SLIT2: variants seen among roughly 807,000 people sequenced by gnomAD.
SLIT2 encodes slit homolog 2 protein.
A neutral mutation model predicts 185.7 loss-of-function variants in SLIT2; 41 were observed. The ratio of observed to expected loss-of-function variants is 0.22; its 90% CI spans 0.17 to 0.29. The LOEUF (loss-of-function observed/expected upper bound fraction) is 0.29, where lower values mean the gene tolerates loss of function less well. Among genes scored for constraint, SLIT2 ranks in the 10% least tolerant of loss-of-function variants. SLIT2 has a pLI of 1.00. For synonymous variants in SLIT2, 693 were observed against 680.2 expected, an observed-to-expected ratio of 1.02 and a Z score of -0.29; for missense variants, 1,571 against 1,909.0, an observed-to-expected ratio of 0.82 and a Z score of 3.30.
chr4:20,354,788 T>C (rs1375284830), intron 4 of SLIT2, among the ~76,000 whole-genome samples: 1 of 152,074 alleles, frequency 6.6e-6, no homozygotes, highest in East Asian at 1.9e-4. Context: ...TTATATATTG[T>C]CACCATCTGC....
chr4:20,303,499 A>G (rs943736532), intron 4 of SLIT2, among the ~76,000 whole-genome samples: 3 of 152,050 alleles, frequency 2.0e-5, no homozygotes, highest in African/African-American at 7.2e-5. Flanking sequence ...AAGACAGTAC[A>G]TTTCATAGAA....
intron 11 of SLIT2, among the ~76,000 whole-genome samples, chr4:20,519,136 G>C (rs1560495766): frequency 6.6e-6 from 1 of 151,994 alleles, no homozygotes; most frequent in Non-Finnish European, 1.5e-5. Context: ...CAATGCAAGT[G>C]GAAATGATAT....
Position 20,549,027 on chromosome 4 carries a change from T to C in SLIT2, c.2418-30T>C, listed in dbSNP as rs143007534. 8.7e-4 allele frequency: 1,216 copies of C among 1,390,862 alleles called. 14 individuals carry two copies. The African/African-American group carries it at 0.015, about 17-fold the overall frequency. The allele number at this position is 1,390,862 out of a possible 1,614,324, so 86.2% of individuals were successfully genotyped here. ...ATTTGGCCATTTTTGGATTTCTGAA[T>C]AAAACAAATTGACATATGTATGCTT... On this transcript the variant is annotated intron_variant, in intron 23 of 36. Coordinates refer to ENST00000504154, the MANE Select transcript of SLIT2 (RefSeq NM_004787.4).
rs1167420692 is a variant in SLIT2 at position 20,252,561 on chromosome 4, G to T, written c.-1255G>T. ...AAAGTTGCTGCACTTTGAGAAGGAC[G>T]AACCACTAGTGGGAGACCGCCGGGG... On this transcript the variant is annotated 5_prime_UTR_variant, in exon 1 of 37. Transcript: ENST00000504154. Among the ~76,000 whole-genome samples, 1 of 152,220 alleles carries T rather than the reference G, an allele frequency of 6.6e-6. No homozygotes were observed. The highest frequency in any genetic ancestry group is 1.5e-5 in the Non-Finnish European group (1 of 68,038).
intron 4 of SLIT2, among the ~76,000 whole-genome samples, chr4:20,427,385 G>T (rs1728638047): frequency 6.6e-6 from 1 of 152,066 alleles, no homozygotes; most frequent in Admixed American, 6.6e-5. Flanking sequence ...ATTTTCAAAG[G>T]TCATAGGAAA....
chr4:20,551,389 C>A (rs1723740852), intron 25 of SLIT2, among the ~76,000 whole-genome samples: 1 of 152,162 alleles, frequency 6.6e-6, no homozygotes, highest in Non-Finnish European at 1.5e-5. Flanking sequence ...TAAGACACAG[C>A]CAAATACTTA....
intron 4 of SLIT2, among the ~76,000 whole-genome samples, chr4:20,460,205 A>G (rs1417026635): frequency 6.6e-6 from 1 of 151,964 alleles, no homozygotes; most frequent in Admixed American, 6.6e-5. Flanking sequence ...CCTTGCGCAA[A>G]CATTTGGCGA....
At chr4:20,386,674 T>A (rs1724960644) in intron 4 of SLIT2, among the ~76,000 whole-genome samples, 2 of 152,194 alleles carry the variant, frequency 1.3e-5, no homozygotes, top group Non-Finnish European at 2.9e-5. Context: ...CAGTCTCTCC[T>A]TAGCACAGAT....
chr4:20,396,197 T>C (rs958351690), intron 4 of SLIT2, among the ~76,000 whole-genome samples: 17 of 151,932 alleles, frequency 1.1e-4, no homozygotes, highest in African/African-American at 4.1e-4. Context: ...TGTGTCTGCA[T>C]ATAAATGTAT....
At chr4:20,445,501 C>T (rs1711665669) in intron 4 of SLIT2, among the ~76,000 whole-genome samples, 3 of 152,152 alleles carry the variant, frequency 2.0e-5, no homozygotes, top group Admixed American at 2.0e-4. Context: ...TAGACATTGT[C>T]ATTTCTGCTT....
chr4:20,369,718 A>G (rs1723422219), intron 4 of SLIT2, among the ~76,000 whole-genome samples: 2 of 151,880 alleles, frequency 1.3e-5, no homozygotes, highest in East Asian at 2.0e-4. Flanking sequence ...CTCCTATGTC[A>G]CTGCTTTGGC....
intron 11 of SLIT2, among the ~76,000 whole-genome samples, chr4:20,518,118 CAT>C (rs201300520): frequency 1.0e-4 from 14 of 139,734 alleles, no homozygotes; most frequent in African/African-American, 2.7e-4. Context: ...TATACATATA[CAT>C]ATATATACAT....
At chr4:20,283,962 G>A (rs1715032050) in intron 4 of SLIT2, among the ~76,000 whole-genome samples, 1 of 152,110 alleles carries the variant, frequency 6.6e-6, no homozygotes, top group South Asian at 2.1e-4. Context: ...ATCGCAGTGT[G>A]TATTTTGCTT....
intron 11 of SLIT2, among the ~76,000 whole-genome samples, chr4:20,514,179 A>C (rs537877721): frequency 6.6e-6 from 1 of 152,318 alleles, no homozygotes; most frequent in African/African-American, 2.4e-5. Context: ...TATTTAAATA[A>C]AAATTTTGCT....
chr4:20,527,159 TG>T (rs1375878677), intron 15 of SLIT2, among the ~76,000 whole-genome samples: 2 of 152,240 alleles, frequency 1.3e-5, no homozygotes, highest in African/African-American at 4.8e-5. Context: ...ATCCAAATGT[TG>T]TAATGATTGT....
At chr4:20,605,596 ATG>A (rs1323043139) in intron 33 of SLIT2, among the ~76,000 whole-genome samples, 2 of 152,190 alleles carry the variant, frequency 1.3e-5, no homozygotes, top group Non-Finnish European at 2.9e-5. Flanking sequence ...CATGCATTAC[ATG>A]TGGGTATGTA....
intron 4 of SLIT2, among the ~76,000 whole-genome samples, chr4:20,381,898 A>G (rs2109343906): frequency 6.6e-6 from 1 of 151,380 alleles, no homozygotes; most frequent in Admixed American, 6.6e-5. Flanking sequence ...TCATAAATAC[A>G]TAATACATAT....
chr4:20,497,956 G>A (rs1430387739), intron 9 of SLIT2, among the ~76,000 whole-genome samples: 2 of 151,578 alleles, frequency 1.3e-5, no homozygotes, highest in African/African-American at 2.4e-5. Flanking sequence ...GGCAGATCAC[G>A]AGGTCAAGAG....
chr4:20,502,760 G>A (rs1222680337), intron 9 of SLIT2, among the ~76,000 whole-genome samples: 5 of 152,170 alleles, frequency 3.3e-5, no homozygotes, highest in Admixed American at 2.0e-4. Context: ...AGACTGTCCC[G>A]ATGGCGATAG....
Sources: allele counts gnomAD v4.1 joint callset (sites outside exome capture counted in the v4.1 genomes callset), GRCh38; gene constraint gnomAD v4.1.1; transcripts MANE v1.5; gene names NCBI Gene and HGNC (gene_info 2026-07-23, HGNC 2026-07-21).